The following RASSF5 variants were observed in gnomAD, a reference collection of about 807,000 sequenced individuals.
RASSF5 encodes ras association domain-containing protein 5.
Under a neutral mutation model 40.5 loss-of-function variants are expected in RASSF5, and 25 were observed. The ratio of observed to expected loss-of-function variants is 0.62; its 90% CI spans 0.45 to 0.86. RASSF5 has a LOEUF of 0.86. Ranked by LOEUF, RASSF5 falls within the 40% of genes least tolerant of loss-of-function variation. The pLI is 0.00. For missense variants in RASSF5, 521 were observed against 572.8 expected, an observed-to-expected ratio of 0.91 and a Z score of 0.92; for synonymous variants, 246 against 252.4, an observed-to-expected ratio of 0.97 and a Z score of 0.24.
chr1:206,572,911 G>A (rs892095351), intron 2 of RASSF5, among the ~76,000 whole-genome samples: 11 of 152,162 alleles, frequency 7.2e-5, no homozygotes, highest in South Asian at 2.1e-4. Context: ...GGCCTATCGG[G>A]AATCAAGGTC....
intron 1 of RASSF5, among the ~76,000 whole-genome samples, chr1:206,537,141 C>T (rs1667437718): frequency 6.6e-6 from 1 of 152,216 alleles, no homozygotes; most frequent in Non-Finnish European, 1.5e-5. Context: ...TACTAGCAGC[C>T]TTGGTGCTGC....
At chr1:206,582,366 C>A (rs1327405065) in intron 2 of RASSF5, among the ~76,000 whole-genome samples, 1 of 152,206 alleles carries the variant, frequency 6.6e-6, no homozygotes, top group South Asian at 2.1e-4. Flanking sequence ...AGGAGGAACA[C>A]AATGGGACAG....
chr1:206,583,747 T>G, intron 3 of RASSF5: 1 of 244,480 alleles, frequency 4.1e-6, no homozygotes, highest in Non-Finnish European at 8.2e-6. Flanking sequence ...ACCCCTTCGA[T>G]TGTGAGAGAG....
At chr1:206,520,169 T>C (rs1666868350) in intron 1 of RASSF5, among the ~76,000 whole-genome samples, 1 of 152,200 alleles carries the variant, frequency 6.6e-6, no homozygotes, top group African/African-American at 2.4e-5. Context: ...TGTGTTAGCA[T>C]TTGGGCTTAA....
rs182598362 is a variant in RASSF5, at chr1:206,529,840, G to A, written c.458-8332G>A. The A allele has an allele frequency of 1.6e-5, 6 of 364,076 alleles. No individual in the cohort carries two copies. The East Asian group carries it at 4.0e-4, about 24-fold the overall frequency. 22.6% of individuals were successfully genotyped at this position (364,076 alleles called of 1,614,324 possible). A position where few individuals can be genotyped will look rare whatever the true frequency, so the allele number is the denominator to read the frequency against. On this transcript the variant is annotated intron_variant, in intron 1 of 5. Transcript: ENST00000579436. ...CTCAGTGGGAGGATTGCTTGAGCCT[G>A]GGAGGTCAAGGCTGAAGCGAGCCAT...
chr1:206,511,283 G>A (rs1391886643), intron 1 of RASSF5, among the ~76,000 whole-genome samples: 2 of 152,298 alleles, frequency 1.3e-5, no homozygotes, highest in East Asian at 1.9e-4. Flanking sequence ...ATTCTAGGAG[G>A]GAATGGTCAA....
chr1:206,508,942 AG>A (rs534853143), intron 1 of RASSF5, among the ~76,000 whole-genome samples: 60 of 152,160 alleles, frequency 3.9e-4, no homozygotes, highest in African/African-American at 1.4e-3. Context: ...CTCCTCCTAC[AG>A]TTAGGGGTGT....
intron 2 of RASSF5, chr1:206,557,527 C>T (rs1437760263): frequency 1.2e-6 from 2 of 1,609,700 alleles, no homozygotes; most frequent in African/African-American, 2.7e-5. Flanking sequence ...ATCCCAAGCC[C>T]GGCCCCCTTG....
chr1:206,557,535 T>C (rs2103538816), intron 2 of RASSF5: 3 of 1,611,808 alleles, frequency 1.9e-6, no homozygotes, highest in East Asian at 2.2e-5. Context: ...CCCGGCCCCC[T>C]TGATGCGCTG....
chr1:206,574,853 CTTTTTTTTT>C (rs71570015), intron 2 of RASSF5, among the ~76,000 whole-genome samples: 1 of 86,072 alleles, frequency 1.2e-5, no homozygotes, highest in Non-Finnish European at 2.2e-5. Context: ...GGACCAATGA[CTTTTTTTTT>C]TTTTTTTTTT....
Position 206,587,079 on chromosome 1 carries a change from C to G in RASSF5, c.*101C>G. 1 of 1,412,922 alleles carries G rather than the reference C, an allele frequency of 7.1e-7. No individual in the cohort carries two copies. The highest frequency in any genetic ancestry group is 9.8e-7 in the Non-Finnish European group (1 of 1,025,390). 87.5% of individuals were successfully genotyped at this position (1,412,922 alleles called of 1,614,324 possible). On this transcript the variant is annotated 3_prime_UTR_variant, in exon 6 of 6. Transcript: ENST00000579436. ...TTTCTCAGGACATCTCTGGCAGGTG[C>G]ATTTGTGCCTGCCCAGCAGTTCCAG...
chr1:206,533,962 C>T (rs981392449), intron 1 of RASSF5, among the ~76,000 whole-genome samples: 3 of 152,118 alleles, frequency 2.0e-5, no homozygotes, highest in Admixed American at 6.5e-5. Context: ...CATGCAGCTG[C>T]ACACCAAGGA....
chr1:206,522,181 C>T (rs1348287402), intron 1 of RASSF5, among the ~76,000 whole-genome samples: 1 of 152,128 alleles, frequency 6.6e-6, no homozygotes, highest in Admixed American at 6.6e-5. Context: ...TTGTGACTGC[C>T]TGTACTTTGT....
intron 1 of RASSF5, among the ~76,000 whole-genome samples, chr1:206,508,647 A>C (rs1572283474): frequency 6.6e-6 from 1 of 151,878 alleles, no homozygotes; most frequent in South Asian, 2.1e-4. Flanking sequence ...GTCACCCTGA[A>C]CCCGTGCCCC....
intron 2 of RASSF5, among the ~76,000 whole-genome samples, chr1:206,538,569 G>A (rs1192630651): frequency 2.6e-5 from 4 of 152,238 alleles, no homozygotes; most frequent in African/African-American, 9.6e-5. Context: ...TGAGTGAGCA[G>A]TGGGGTGGCT....
intron 2 of RASSF5, among the ~76,000 whole-genome samples, chr1:206,574,154 G>C (rs1553404715): frequency 6.6e-6 from 1 of 152,240 alleles, no homozygotes; most frequent in Non-Finnish European, 1.5e-5. Flanking sequence ...GAGCTGTGCA[G>C]AGACTGAGAT....
At chr1:206,573,889 T>C (rs1668541873) in intron 2 of RASSF5, among the ~76,000 whole-genome samples, 1 of 152,200 alleles carries the variant, frequency 6.6e-6, no homozygotes. Context: ...GTGGACTTGA[T>C]CAAGTTCACA....
chr1:206,575,658 A>G (rs1269188298), intron 2 of RASSF5, among the ~76,000 whole-genome samples: 1 of 152,186 alleles, frequency 6.6e-6, no homozygotes, highest in African/African-American at 2.4e-5. Flanking sequence ...CAATGATGAG[A>G]AAAAAACACC....
chr1:206,538,323 G>A, intron 2 of RASSF5, 30 bp downstream of exon 2: 1 of 1,610,996 alleles, frequency 6.2e-7, no homozygotes, highest in Non-Finnish European at 8.5e-7. Context: ...TACCAAGCTG[G>A]GAACAGCCTC....
Sources: allele counts gnomAD v4.1 joint callset (sites outside exome capture counted in the v4.1 genomes callset), GRCh38; gene constraint gnomAD v4.1.1; transcripts MANE v1.5; gene names NCBI Gene and HGNC (gene_info 2026-07-23, HGNC 2026-07-21).